ELF1: variants seen among roughly 807,000 people sequenced by gnomAD.
The protein encoded by ELF1 is E74 like ETS transcription factor 1.
ELF1 carries 24 observed loss-of-function variants against 59.9 expected under a neutral mutation model. The ratio of observed to expected loss-of-function variants is 0.40; its 90% CI spans 0.29 to 0.56. The LOEUF (loss-of-function observed/expected upper bound fraction) is 0.56, where lower values mean the gene tolerates loss of function less well. Ranked by LOEUF, ELF1 falls within the 20% of genes least tolerant of loss-of-function variation. The pLI, the probability that ELF1 is intolerant of heterozygous loss-of-function variation, is 0.44. For missense variants in ELF1, 627 were observed against 742.2 expected (o/e 0.84, Z 1.80); for synonymous variants, 248 against 266.2 (o/e 0.93, Z 0.67).
In ELF1 at chr13:40,933,196, C is replaced by T. The variant is rs1869524319; in HGVS notation, c.*229G>A. 1 of 503,786 alleles carries T rather than the reference C, an allele frequency of 2.0e-6. No individual in the cohort carries two copies. Among genetic ancestry groups the T allele is most frequent in the Admixed American group, 3.8e-5 (1 of 26,300 alleles). 31.2% of individuals were successfully genotyped at this position (503,786 alleles called of 1,614,324 possible). On this transcript the variant is annotated 3_prime_UTR_variant, in exon 9 of 9. Coordinates refer to ENST00000239882, the MANE Select transcript of ELF1 (RefSeq NM_172373.4). ...TGAAATAAAAATCTCAAAAGAATGT[C>T]TTCATAGTGTAAAATGCCTGTTCCT...
At chr13:40,963,925 A>C (rs1370155880) in intron 2 of ELF1, among the ~76,000 whole-genome samples, 1 of 152,124 alleles carries the variant, frequency 6.6e-6, no homozygotes, top group Admixed American at 6.5e-5. Context: ...AAAAAAAAGA[A>C]AGACTATGAA....
intron 1 of ELF1, among the ~76,000 whole-genome samples, chr13:41,010,586 ATATAAT>A (rs1435582031): frequency 2.0e-5 from 3 of 152,016 alleles, no homozygotes; most frequent in Admixed American, 1.3e-4. Flanking sequence ...TCTAATCTTT[ATATAAT>A]TATAATACAT....
intron 1 of ELF1, chr13:40,992,995 A>G: frequency 7.7e-7 from 1 of 1,291,724 alleles, no homozygotes; most frequent in Non-Finnish European, 1.1e-6. Flanking sequence ...CAGGCAATCC[A>G]GAAAAGTAGG....
intron 2 of ELF1, among the ~76,000 whole-genome samples, chr13:40,972,324 C>A (rs1300010851): frequency 6.6e-6 from 1 of 152,140 alleles, no homozygotes; most frequent in Non-Finnish European, 1.5e-5. Flanking sequence ...TATGTCGAAA[C>A]AAATGTTAAA....
At chr13:40,990,887 G>C (rs1193244476) in intron 1 of ELF1, among the ~76,000 whole-genome samples, 2 of 151,352 alleles carry the variant, frequency 1.3e-5, no homozygotes, top group African/African-American at 4.9e-5. Context: ...CTTTACAGTG[G>C]AGAAACATAA....
At chr13:40,966,027 A>G (rs558999308) in intron 2 of ELF1, among the ~76,000 whole-genome samples, 1 of 152,232 alleles carries the variant, frequency 6.6e-6, no homozygotes, top group Admixed American at 6.5e-5. Flanking sequence ...AAGTTGAGTC[A>G]GCTCTAATTA....
At chr13:40,941,632 C>G (rs1485889797) in intron 7 of ELF1, among the ~76,000 whole-genome samples, 3 of 152,088 alleles carry the variant, frequency 2.0e-5, no homozygotes, top group Non-Finnish European at 4.4e-5. Context: ...TCTGGTCTTT[C>G]ACTTTTCTTC....
chr13:40,947,714 G>A (rs1870591229), intron 5 of ELF1, among the ~76,000 whole-genome samples: 1 of 152,140 alleles, frequency 6.6e-6, no homozygotes, highest in Non-Finnish European at 1.5e-5. Flanking sequence ...GGCCATACAA[G>A]ATTTCCTCAG....
chr13:41,060,890 C>A (rs910289268), exon 1 of ELF1: 7 of 351,654 alleles, frequency 2.0e-5, no homozygotes, highest in Non-Finnish European at 3.9e-5. Context: ...GCCACCGCCG[C>A]CTCTGCGCTA....
intron 1 of ELF1, among the ~76,000 whole-genome samples, chr13:41,001,556 G>A (rs776097952): frequency 2.6e-5 from 4 of 152,114 alleles, no homozygotes; most frequent in Non-Finnish European, 5.9e-5. Context: ...CCAAAATAGC[G>A]TGGTTGGCAT....
At chr13:40,998,088 A>T (rs1327044429) in intron 1 of ELF1, among the ~76,000 whole-genome samples, 1 of 152,180 alleles carries the variant, frequency 6.6e-6, no homozygotes, top group Non-Finnish European at 1.5e-5. Context: ...TGGAGGTTGC[A>T]GTTAGCTGAG....
chr13:41,024,059 T>C (rs915417486), upstream of ELF1, among the ~76,000 whole-genome samples: 6 of 152,256 alleles, frequency 3.9e-5, no homozygotes, highest in African/African-American at 1.4e-4. Context: ...TTATATTCTT[T>C]ATAAAGCTCC....
chr13:40,940,913 T>C lies in ELF1; in HGVS notation c.1256+8A>G. On this transcript the variant is annotated splice_region_variant and intron_variant, in intron 8 of 8. Transcript: ENST00000239882. ...AAGTGATAAGCATCAGTAGTTTGGT[T>C]TTCTCACCTAATACTCTGAACGGAA... is the stretch of plus-strand genomic sequence containing the variant. 1 of 1,599,260 alleles carries C rather than the reference T, an allele frequency of 6.3e-7. No homozygotes were observed. Among genetic ancestry groups the C allele is most frequent in the South Asian group, 1.1e-5 (1 of 89,570 alleles).
intron 3 of ELF1, among the ~76,000 whole-genome samples, chr13:40,954,966 C>T (rs1030779662): frequency 6.4e-5 from 9 of 141,048 alleles, no homozygotes; most frequent in Admixed American, 2.1e-4. Context: ...AAGTGAGGAG[C>T]GTCTCTGCCC....
At chr13:40,963,519 T>C (rs987359491) in intron 2 of ELF1, among the ~76,000 whole-genome samples, 1 of 152,210 alleles carries the variant, frequency 6.6e-6, no homozygotes, top group African/African-American at 2.4e-5. Flanking sequence ...TCCACTGACA[T>C]GGGATGTATA....
chr13:40,994,508 TG>T (rs374942688), intron 1 of ELF1, among the ~76,000 whole-genome samples: 1,554 of 151,598 alleles, frequency 0.01, 33 homozygotes, highest in African/African-American at 0.035. Context: ...CTAGGCATGG[TG>T]GGGGGGTGCC....
exon 1 of ELF1, chr13:41,060,909 G>T (rs1877552978): frequency 3.6e-6 from 1 of 280,206 alleles, no homozygotes; most frequent in Non-Finnish European, 6.8e-6. Context: ...TACTGAAGCT[G>T]CTGCTGCCGC....
intron 1 of ELF1, among the ~76,000 whole-genome samples, chr13:41,041,315 A>G (rs190375119): frequency 3.3e-5 from 5 of 151,954 alleles, no homozygotes; most frequent in Non-Finnish European, 5.9e-5. Context: ...AGCAGACGAC[A>G]TTTTCAAAGT....
chr13:40,971,199 A>G (rs1272495279), intron 2 of ELF1, among the ~76,000 whole-genome samples: 1 of 152,210 alleles, frequency 6.6e-6, no homozygotes, highest in African/African-American at 2.4e-5. Context: ...TTATATATAG[A>G]TTGATAGTTA....
Sources: allele counts gnomAD v4.1 joint callset (sites outside exome capture counted in the v4.1 genomes callset), GRCh38; gene constraint gnomAD v4.1.1; transcripts MANE v1.5; gene names NCBI Gene and HGNC (gene_info 2026-07-23, HGNC 2026-07-21).